Variants in SPATA31F1 observed in about 807,000 individuals in gnomAD.
The protein encoded by SPATA31F1 is SPATA31 subfamily F member 1, also known as protein SPATA31F1.
At chr9:34,728,134 C>T in the SPATA31F1 span, 13 of 1,510,590 alleles carry the variant, frequency 8.6e-6, no homozygotes, top group Non-Finnish European at 1.2e-5. Flanking sequence ...TCATAGGCAT[C>T]CTATAGGAAG....
chr9:34,724,839 C>T, the SPATA31F1 span: 1 of 1,548,610 alleles, frequency 6.5e-7, no homozygotes, highest in Non-Finnish European at 8.7e-7. Context: ...ACTGCCGGGG[C>T]CAGGGCCCTG....
the SPATA31F1 span, chr9:34,724,195 A>G: frequency 3.9e-6 from 6 of 1,551,274 alleles, no homozygotes; most frequent in South Asian, 3.6e-5. Flanking sequence ...GTTTGTTCAC[A>G]TTGGCCTCTA....
chr9:34,729,221 C>T, the SPATA31F1 span: 73 of 1,494,494 alleles, frequency 4.9e-5, no homozygotes, highest in Middle Eastern at 1.7e-4. Context: ...TAAGGGAGCA[C>T]GGTAAGAACT....
chr9:34,728,727 C>T, the SPATA31F1 span: 2 of 1,367,990 alleles, frequency 1.5e-6, no homozygotes, highest in East Asian at 2.5e-5. Context: ...TGAGACAAAA[C>T]TTACATACAT....
chr9:34,727,455 T>A, the SPATA31F1 span, among the ~76,000 whole-genome samples: 1 of 152,190 alleles, frequency 6.6e-6, no homozygotes, highest in African/African-American at 2.4e-5. Context: ...GGGTATTTGG[T>A]ACCCGTAATG....
the SPATA31F1 span, chr9:34,723,789 G>A: frequency 1.5e-5 from 23 of 1,551,618 alleles, no homozygotes; most frequent in Non-Finnish European, 1.9e-5. Context: ...ATTGTCGCTG[G>A]TTCAAGGATG....
chr9:34,729,354 A>T, the SPATA31F1 span: 1 of 1,551,864 alleles, frequency 6.4e-7, no homozygotes, highest in Non-Finnish European at 8.7e-7. Flanking sequence ...GATAATTACA[A>T]TAACGATGAA....
At chr9:34,723,818 C>T in the SPATA31F1 span, 1 of 1,551,704 alleles carries the variant, frequency 6.4e-7, no homozygotes. Flanking sequence ...CTTGGTTTGA[C>T]TGTCTTGCAG....
chr9:34,728,109 T>C, the SPATA31F1 span: 97 of 1,548,134 alleles, frequency 6.3e-5, no homozygotes, highest in African/African-American at 9.7e-4. Context: ...CAGTGTTATA[T>C]GGCATGGGAT....
the SPATA31F1 span, chr9:34,728,010 G>A: frequency 1.9e-6 from 3 of 1,551,598 alleles, no homozygotes; most frequent in Non-Finnish European, 2.6e-6. Context: ...AGTGCAAAGA[G>A]CAATAGATCA....
At chr9:34,726,960 C>T in the SPATA31F1 span, 2 of 1,550,304 alleles carry the variant, frequency 1.3e-6, no homozygotes, top group Non-Finnish European at 8.7e-7. Context: ...ATTCGCCGCA[C>T]ACTTCTCTCC....
chr9:34,723,389 A>G, the SPATA31F1 span: 1 of 1,551,710 alleles, frequency 6.4e-7, no homozygotes, highest in Admixed American at 2.0e-5. Context: ...GGCTGGGCCC[A>G]CCAGCTTCTG....
At chr9:34,724,046 G>A in the SPATA31F1 span, 29 of 1,523,758 alleles carry the variant, frequency 1.9e-5, no homozygotes, top group Non-Finnish European at 2.3e-5. Context: ...CCCAAACCCC[G>A]CATCCCCTTC....
the SPATA31F1 span, chr9:34,725,912 G>T: frequency 6.4e-7 from 1 of 1,551,994 alleles, no homozygotes; most frequent in Non-Finnish European, 8.7e-7. Context: ...GGCAACCAGG[G>T]ACTCACTGTG....
chr9:34,723,908 T>C, the SPATA31F1 span: 5 of 1,551,612 alleles, frequency 3.2e-6, no homozygotes, highest in East Asian at 2.4e-5. Context: ...CTGGGGGCTG[T>C]GTTGACAGGG....
At chr9:34,723,887 T>G in the SPATA31F1 span, 1 of 1,551,654 alleles carries the variant, frequency 6.4e-7, no homozygotes, top group Non-Finnish European at 8.7e-7. Flanking sequence ...GAGCTTAAGC[T>G]GAGGGTGATG....
At chr9:34,726,784 A>T in the SPATA31F1 span, 4,582 of 1,551,456 alleles carry the variant, frequency 3.0e-3, 11 homozygotes, top group Non-Finnish European at 3.8e-3. Context: ...GAAACTCCAG[A>T]CTCTGATCTA....
chr9:34,723,867 G>T, the SPATA31F1 span: 1 of 1,551,712 alleles, frequency 6.4e-7, no homozygotes, highest in East Asian at 2.4e-5. Flanking sequence ...ACTCGTGGAG[G>T]TAGCTGTGGG....
chr9:34,725,852 G>A, the SPATA31F1 span: 2 of 1,551,856 alleles, frequency 1.3e-6, no homozygotes, highest in Non-Finnish European at 1.7e-6. Flanking sequence ...CTTCAAGGGG[G>A]GCTTGGGCAC....
Sources: allele counts gnomAD v4.1 joint callset (sites outside exome capture counted in the v4.1 genomes callset), GRCh38; gene constraint gnomAD v4.1.1; transcripts MANE v1.5; gene names NCBI Gene and HGNC (gene_info 2026-07-23, HGNC 2026-07-21).